The following PATJ variants were observed in gnomAD, a reference collection of about 807,000 sequenced individuals.
PATJ encodes the protein inaD-like protein.
In PATJ, 190 loss-of-function variants were observed where a neutral mutation model predicts 224.9. The ratio of observed to expected loss-of-function variants is 0.84; its 90% CI spans 0.75 to 0.95. PATJ has a LOEUF of 0.95. PATJ is among the 40% of genes least tolerant of loss of function. The pLI is 0.00. For missense variants in PATJ, 2,121 were observed against 2,270.3 expected (o/e 0.93, Z 1.34); for synonymous variants, 769 against 820.3 (o/e 0.94, Z 1.07).
chr1:61,965,081 C>T (rs955841482), intron 27 of PATJ, among the ~76,000 whole-genome samples: 3 of 119,632 alleles, frequency 2.5e-5, no homozygotes, highest in Admixed American at 1.1e-4. Context: ...GAGAGTGCAC[C>T]ACTGTATTCT....
At chr1:61,909,999 A>G (rs1282489293) in intron 25 of PATJ, among the ~76,000 whole-genome samples, 1 of 152,238 alleles carries the variant, frequency 6.6e-6, no homozygotes, top group African/African-American at 2.4e-5. Context: ...TGAGCTGAAT[A>G]AAGTTCTCTT....
intron 14 of PATJ, among the ~76,000 whole-genome samples, chr1:61,811,247 A>T (rs922843137): frequency 1.3e-5 from 2 of 152,032 alleles, no homozygotes; most frequent in Non-Finnish European, 2.9e-5. Flanking sequence ...TTGTTTTTTG[A>T]GACGGAGTTT....
intron 33 of PATJ, chr1:62,100,472 A>G (rs1336408306): frequency 2.8e-6 from 2 of 707,954 alleles, no homozygotes; most frequent in African/African-American, 3.5e-5. Context: ...CACTCCCAAG[A>G]TAGCAGCATT....
chr1:61,943,794 G>T (rs2149353889), intron 27 of PATJ, among the ~76,000 whole-genome samples: 1 of 152,304 alleles, frequency 6.6e-6, no homozygotes, highest in East Asian at 1.9e-4. Context: ...TCCTCAAGTG[G>T]ATCCCTGACC....
At chr1:61,779,575 A>G (rs554280958) in intron 7 of PATJ, among the ~76,000 whole-genome samples, 28 of 152,352 alleles carry the variant, frequency 1.8e-4, no homozygotes, top group Non-Finnish European at 3.8e-4. Flanking sequence ...ACCACAGCCC[A>G]GATGACACAT....
At chr1:61,915,969 A>G (rs1275198553) in intron 26 of PATJ, among the ~76,000 whole-genome samples, 1 of 152,198 alleles carries the variant, frequency 6.6e-6, no homozygotes, top group African/African-American at 2.4e-5. Flanking sequence ...TGCTTGGATT[A>G]CAGGCATGAG....
At chr1:61,883,632 G>A (rs1273209720) in intron 21 of PATJ, among the ~76,000 whole-genome samples, 5 of 151,942 alleles carry the variant, frequency 3.3e-5, no homozygotes, top group African/African-American at 1.2e-4. Context: ...CACAACACCT[G>A]TAGTCCCAGC....
chr1:62,089,259 A>G (rs183587271), intron 33 of PATJ, among the ~76,000 whole-genome samples: 31 of 152,156 alleles, frequency 2.0e-4, no homozygotes, highest in Middle Eastern at 3.4e-3. Context: ...TGGGTCTTCA[A>G]TATTGCATTC....
intron 14 of PATJ, among the ~76,000 whole-genome samples, chr1:61,812,135 A>G (rs1168259575): frequency 1.3e-5 from 2 of 151,990 alleles, no homozygotes; most frequent in African/African-American, 4.8e-5. Context: ...CATGTTAACC[A>G]TAGCTTATAA....
At chr1:61,994,691 A>C (rs1645257366) in intron 28 of PATJ, among the ~76,000 whole-genome samples, 2 of 152,086 alleles carry the variant, frequency 1.3e-5, no homozygotes, top group African/African-American at 2.4e-5. Context: ...AGTAGCTGGG[A>C]TTACAGGTGC....
intron 17 of PATJ, among the ~76,000 whole-genome samples, chr1:61,847,474 A>G (rs1248081211): frequency 6.6e-6 from 1 of 152,182 alleles, no homozygotes; most frequent in Non-Finnish European, 1.5e-5. Flanking sequence ...TTAGGAAGTA[A>G]TAAGACACAA....
chr1:61,879,353 A>G (rs1667772655), intron 21 of PATJ, among the ~76,000 whole-genome samples: 1 of 152,168 alleles, frequency 6.6e-6, no homozygotes, highest in South Asian at 2.1e-4. Context: ...ATTGGGAAGG[A>G]TTGTCAGTAT....
intron 17 of PATJ, among the ~76,000 whole-genome samples, chr1:61,854,347 C>T (rs772219131): frequency 1.4e-4 from 22 of 152,180 alleles, no homozygotes; most frequent in Non-Finnish European, 5.9e-5. Context: ...GAGAAACCAA[C>T]GTGAATGCTG....
rs183399684 is a variant in PATJ, at chr1:61,989,725, A to G, written c.3671-443A>G. ...CTTTGTGTTGATTGACTTAGGTAAG[A>G]AAAGAGTCCACAGAAAGTCTAGGCC... On this transcript the variant is annotated intron_variant, in intron 27 of 43. Coordinates refer to ENST00000642238, the MANE Select transcript of PATJ (RefSeq NM_001350145.3). 8.5e-5 allele frequency among the ~76,000 whole-genome samples: 13 copies of G among 152,288 alleles called. No homozygotes were observed. In the East Asian group the frequency reaches 1.4e-3, roughly 16 times the overall value.
chr1:62,101,236 A>G (rs2148833984), intron 33 of PATJ, among the ~76,000 whole-genome samples: 1 of 151,832 alleles, frequency 6.6e-6, no homozygotes, highest in Admixed American at 6.6e-5. Context: ...TGGAGACGTT[A>G]ACACAGTAGT....
At chr1:61,842,445 G>C (rs1361246806) in intron 17 of PATJ, among the ~76,000 whole-genome samples, 2 of 152,152 alleles carry the variant, frequency 1.3e-5, no homozygotes, top group African/African-American at 4.8e-5. Context: ...TCATAGGGTA[G>C]CTTTCCTTTT....
intron 29 of PATJ, among the ~76,000 whole-genome samples, chr1:62,027,116 A>T (rs1648112537): frequency 2.0e-5 from 3 of 152,188 alleles, no homozygotes; most frequent in Admixed American, 6.5e-5. Flanking sequence ...ACATTAAACA[A>T]CAACTCCCCA....
In PATJ at chr1:62,109,163, A is replaced by G. The variant is rs545927392; in HGVS notation, c.4461+643A>G. On this transcript the variant is annotated intron_variant, in intron 34 of 43. Transcript: ENST00000642238. ...AGAAGGCGATGCCAGGCGTTCTGGT[A>G]GGTGGAACTAAAGAGCTTTCTCGAT... Among the ~76,000 whole-genome samples the G allele has an allele frequency of 3.3e-5, 5 of 151,830 alleles. No individual in the cohort carries two copies. The East Asian group carries it at 9.7e-4, about 29-fold the overall frequency.
chr1:62,108,141 C>T (rs1387238984), intron 33 of PATJ, among the ~76,000 whole-genome samples: 3 of 152,182 alleles, frequency 2.0e-5, no homozygotes, highest in Non-Finnish European at 4.4e-5. Context: ...AAGAATGACA[C>T]ATAGTTCACC....
Sources: allele counts gnomAD v4.1 joint callset (sites outside exome capture counted in the v4.1 genomes callset), GRCh38; gene constraint gnomAD v4.1.1; transcripts MANE v1.5; gene names NCBI Gene and HGNC (gene_info 2026-07-23, HGNC 2026-07-21).